DOCK2: variants seen among roughly 807,000 people sequenced by gnomAD.
DOCK2 encodes the protein dedicator of cytokinesis 2, also known as dedicator of cytokinesis protein 2.
In DOCK2, 87 loss-of-function variants were observed where a neutral mutation model predicts 248.9. The ratio of observed to expected loss-of-function variants is 0.35; its 90% CI spans 0.29 to 0.42. The LOEUF (loss-of-function observed/expected upper bound fraction) is 0.42. DOCK2 is among the 10% of genes least tolerant of loss of function. DOCK2 has a pLI of 1.00. For synonymous variants in DOCK2, 805 were observed against 821.6 expected (o/e 0.98, Z 0.35); for missense variants, 1,747 against 2,300.2 (o/e 0.76, Z 4.92).
chr5:170,057,725 G>A, intron 44 of DOCK2, 59 bp downstream of exon 44: 4 of 1,434,072 alleles, frequency 2.8e-6, no homozygotes, highest in African/African-American at 1.4e-5. Context: ...GGCACAGCCA[G>A]TCTCCAAAGG....
chr5:169,984,918 T>A (rs959781971), intron 28 of DOCK2, among the ~76,000 whole-genome samples: 1 of 152,052 alleles, frequency 6.6e-6, no homozygotes, highest in Non-Finnish European at 1.5e-5. Flanking sequence ...CCAGATTTCT[T>A]TATTTATTTT....
chr5:169,654,923 A>G (rs1210298406), intron 2 of DOCK2, among the ~76,000 whole-genome samples: 1 of 151,934 alleles, frequency 6.6e-6, no homozygotes, highest in Non-Finnish European at 1.5e-5. Context: ...GCAGGAGCTC[A>G]CTCCCCTCCC....
intron 46 of DOCK2, among the ~76,000 whole-genome samples, chr5:170,072,814 C>T (rs1436886381): frequency 6.6e-6 from 1 of 152,110 alleles, no homozygotes; most frequent in South Asian, 2.1e-4. Flanking sequence ...AATTGGATTA[C>T]CCTTTTGTGA....
rs1184640326 is a variant in DOCK2, at chr5:169,669,164, A to T, written c.128-124A>T. ...TATGAGCTTCCAGAGTTTGATCTGT[A>T]CCCAAGGTCTAAAGCAATTTGCAGT... On this transcript the variant is annotated intron_variant, in intron 2 of 51. Transcript: ENST00000520908. 2.6e-6 allele frequency: 3 copies of T among 1,140,784 alleles called. No individual in the cohort carries two copies. The Admixed American group carries it at 5.7e-5, about 22-fold the overall frequency. The allele number at this position is 1,140,784 out of a possible 1,614,324, so 70.7% of individuals were successfully genotyped here.
intron 23 of DOCK2, among the ~76,000 whole-genome samples, chr5:169,751,189 C>CT (rs1352600426): frequency 6.6e-6 from 1 of 152,092 alleles, no homozygotes; most frequent in Non-Finnish European, 1.5e-5. Flanking sequence ...AAAACAGAAG[C>CT]TTTTTGGGTA....
At chr5:169,807,097 A>T (rs1767421946) in intron 26 of DOCK2, among the ~76,000 whole-genome samples, 1 of 152,116 alleles carries the variant, frequency 6.6e-6, no homozygotes, top group Non-Finnish European at 1.5e-5. Flanking sequence ...GCGACTGAGA[A>T]GAAAAATCTT....
intron 9 of DOCK2, among the ~76,000 whole-genome samples, chr5:169,693,735 C>G (rs1435910260): frequency 1.3e-5 from 2 of 152,146 alleles, no homozygotes; most frequent in African/African-American, 4.8e-5. Flanking sequence ...TTGTACCAGT[C>G]AGTGCTCTCT....
At chr5:169,818,633 T>A (rs962373623) in intron 26 of DOCK2, among the ~76,000 whole-genome samples, 1 of 152,200 alleles carries the variant, frequency 6.6e-6, no homozygotes, top group African/African-American at 2.4e-5. Context: ...ATGATGTCTC[T>A]TTTTAGCCTT....
At chr5:169,805,216 CAA>C (rs1178136278) in intron 26 of DOCK2, among the ~76,000 whole-genome samples, 21 of 70,666 alleles carry the variant, frequency 3.0e-4, no homozygotes, top group Admixed American at 4.1e-4. Flanking sequence ...TCTGTCTCTA[CAA>C]AAAAAAAAAA....
At chr5:170,035,036 C>T (rs1317145254) in intron 35 of DOCK2, among the ~76,000 whole-genome samples, 1 of 152,206 alleles carries the variant, frequency 6.6e-6, no homozygotes. Flanking sequence ...TAGTTTCCTT[C>T]TTCTTATAGA....
intron 24 of DOCK2, among the ~76,000 whole-genome samples, chr5:169,761,084 T>C (rs1350011360): frequency 6.6e-6 from 1 of 152,224 alleles, no homozygotes; most frequent in Non-Finnish European, 1.5e-5. Flanking sequence ...GTAAGTAAAA[T>C]GGTATGGTAA....
At chr5:169,895,352 C>A (rs112092922) in intron 27 of DOCK2, among the ~76,000 whole-genome samples, 6 of 152,112 alleles carry the variant, frequency 3.9e-5, no homozygotes, top group African/African-American at 1.4e-4. Context: ...GAGAACCACC[C>A]AGCCTCAACC....
chr5:169,934,093 G>T (rs1775880258), intron 27 of DOCK2, among the ~76,000 whole-genome samples: 1 of 152,212 alleles, frequency 6.6e-6, no homozygotes, highest in Non-Finnish European at 1.5e-5. Flanking sequence ...CACACCTCAT[G>T]TCTGTGGGAG....
At position 169,787,343 on chromosome 5, in the gene DOCK2, C is replaced by T. The variant is rs181531974; in HGVS notation, c.2555-15715C>T. On this transcript the variant is annotated intron_variant, in intron 25 of 51. Coordinates refer to ENST00000520908, the MANE Select transcript of DOCK2 (RefSeq NM_004946.3). The stretch of plus-strand genomic sequence containing the variant: ...GCTGTGCATGGTACTCTAGCAGAGT[C>T]TTTGAGGGAAAAGATGGTTCCATCC... Among the ~76,000 whole-genome samples the T allele has an allele frequency of 1.3e-4, 20 of 152,290 alleles. 2 individuals are homozygous for T. The South Asian group carries it at 4.1e-3, about 32-fold the overall frequency.
chr5:169,665,651 A>C (rs1758683446), intron 2 of DOCK2, among the ~76,000 whole-genome samples: 1 of 152,106 alleles, frequency 6.6e-6, no homozygotes, highest in South Asian at 2.1e-4. Context: ...TACCTTTGCC[A>C]GATGCATACA....
intron 26 of DOCK2, among the ~76,000 whole-genome samples, chr5:169,835,821 G>T (rs1769540748): frequency 6.6e-6 from 1 of 151,514 alleles, no homozygotes; most frequent in African/African-American, 2.4e-5. Context: ...GAGTGCAGTG[G>T]TATAATCACA....
At chr5:169,769,762 G>A (rs569041902) in intron 25 of DOCK2, among the ~76,000 whole-genome samples, 6 of 152,346 alleles carry the variant, frequency 3.9e-5, no homozygotes, top group African/African-American at 1.2e-4. Flanking sequence ...AGCCTGAGGA[G>A]GGAAAGGAAA....
rs960027669 is a variant in DOCK2, at chr5:169,767,234, G to A, written c.2554+5609G>A. ...CATGTCCTTTGTCCGCTTTTTAATG[G>A]GGTTGTTGTTTTTGCTTGTTAATTT... is the stretch of plus-strand genomic sequence containing the variant. On this transcript the variant is annotated intron_variant, in intron 25 of 51. Coordinates refer to ENST00000520908, the MANE Select transcript of DOCK2 (RefSeq NM_004946.3). 5.3e-5 allele frequency among the ~76,000 whole-genome samples: 8 copies of A among 152,208 alleles called. No homozygotes were observed. The East Asian group carries it at 1.5e-3, about 29-fold the overall frequency.
chr5:170,082,641 T>C (rs961371960), intron 51 of DOCK2, among the ~76,000 whole-genome samples, 155 bp from the exon 52 acceptor site: 2 of 152,202 alleles, frequency 1.3e-5, no homozygotes, highest in Non-Finnish European at 2.9e-5. Flanking sequence ...TACCACTGCC[T>C]TTCTGGCCAA....
Sources: gnomAD v4.1 joint callset for allele counts (sites outside exome capture counted in the v4.1 genomes callset) on GRCh38, gnomAD v4.1.1 for gene constraint, MANE v1.5 for transcripts, NCBI Gene and HGNC (gene_info 2026-07-23, HGNC 2026-07-21) for gene names.